Variants in RASGRF1 observed in about 807,000 individuals in gnomAD.
RASGRF1 encodes ras-specific guanine nucleotide-releasing factor 1.
In RASGRF1, 40 loss-of-function variants were observed where a neutral mutation model predicts 138.7. The ratio of observed to expected loss-of-function variants is 0.29; its 90% CI spans 0.22 to 0.38. The LOEUF is 0.38. Ranked by LOEUF, RASGRF1 falls within the 10% of genes least tolerant of loss-of-function variation. RASGRF1 has a pLI of 1.00. For missense variants in RASGRF1, 1,108 were observed against 1,650.4 expected (o/e 0.67, Z 5.69); for synonymous variants, 614 against 663.2 (o/e 0.93, Z 1.14).
chr15:79,008,771 A>G (rs1036108463), intron 13 of RASGRF1, among the ~76,000 whole-genome samples: 1 of 152,198 alleles, frequency 6.6e-6, no homozygotes, highest in Non-Finnish European at 1.5e-5. Flanking sequence ...ACCGTGAGAC[A>G]AAGTAGCAAA....
intron 5 of RASGRF1, among the ~76,000 whole-genome samples, chr15:79,042,353 T>C (rs935122955): frequency 3.9e-5 from 6 of 152,228 alleles, no homozygotes; most frequent in African/African-American, 1.4e-4. Context: ...GCAAGTGAGC[T>C]AGCAGCTCCA....
intron 1 of RASGRF1, among the ~76,000 whole-genome samples, chr15:79,089,809 C>T (rs1287458864): frequency 6.6e-6 from 1 of 152,248 alleles, no homozygotes; most frequent in African/African-American, 2.4e-5. Flanking sequence ...ATTACACGTT[C>T]CCGGTGTAGA....
intron 3 of RASGRF1, among the ~76,000 whole-genome samples, chr15:79,055,857 G>A (rs936316776): frequency 1.3e-5 from 2 of 152,156 alleles, no homozygotes; most frequent in African/African-American, 2.4e-5. Context: ...GCTTCCCACC[G>A]AGCCTGACAA....
chr15:79,037,561 C>T (rs187724119), intron 5 of RASGRF1, among the ~76,000 whole-genome samples: 19 of 151,946 alleles, frequency 1.3e-4, no homozygotes, highest in African/African-American at 4.3e-4. Flanking sequence ...CGGTTTCAAG[C>T]GATTCTCCTG....
intron 10 of RASGRF1, among the ~76,000 whole-genome samples, chr15:79,022,604 G>A (rs1013110718): frequency 2.6e-5 from 4 of 152,034 alleles, no homozygotes; most frequent in Non-Finnish European, 4.4e-5. Flanking sequence ...ACTGACCCCC[G>A]CCACACCCCC....
intron 2 of RASGRF1, among the ~76,000 whole-genome samples, chr15:79,061,393 A>T (rs1320545191): frequency 2.1e-5 from 2 of 96,456 alleles, no homozygotes; most frequent in Admixed American, 2.4e-4. Flanking sequence ...AGCAATAGAA[A>T]ATTAGAACAC....
At chr15:79,045,508 C>T (rs551149175) in intron 5 of RASGRF1, among the ~76,000 whole-genome samples, 1 of 152,322 alleles carries the variant, frequency 6.6e-6, no homozygotes, top group East Asian at 1.9e-4. Flanking sequence ...TTGTGGGGCC[C>T]TGTGATTTGG....
Position 79,031,413 on chromosome 15 carries a change from C to T in RASGRF1, c.1249G>A (p.Glu417Lys). 6.2e-7 allele frequency: 1 copy of T among 1,609,116 alleles called. No individual in the cohort carries two copies. Among genetic ancestry groups the T allele is most frequent in the Non-Finnish European group, 8.5e-7 (1 of 1,177,236 alleles). The change falls in exon 8 of 27, where the codon GAG (glutamate) becomes AAG (lysine). Residue 417 changes from glutamate to lysine, a missense_variant. Coordinates refer to ENST00000558480, the MANE Select transcript of RASGRF1 (RefSeq NM_001145648.3). ...GCCAGGCCTCACCTGGACAGCTCCT[C>T]CAGTTTGGACTTGGCGTAGTCCAGG... is the stretch of plus-strand genomic sequence containing the variant. Reference protein sequence around the residue: ...NSLDYAKSKLEELSRIMHDEV... With the variant: ...NSLDYAKSKLKELSRIMHDEV...
chr15:79,004,942 G>C, intron 14 of RASGRF1: 1 of 983,756 alleles, frequency 1.0e-6, no homozygotes, highest in South Asian at 4.7e-5. Flanking sequence ...AAAGGTTAAG[G>C]GACTCAGCCA....
chr15:78,969,849 G>A (rs960075527), intron 26 of RASGRF1, among the ~76,000 whole-genome samples: 5 of 152,124 alleles, frequency 3.3e-5, no homozygotes, highest in African/African-American at 1.2e-4. Flanking sequence ...AGGGCCAAGA[G>A]TTTATCTGTT....
At position 78,962,237 on chromosome 15, in the gene RASGRF1, C is replaced by T; in HGVS notation, c.3682-1G>A. ...ATTGGTCCAGTAAATATTGCGTTAC[C>T]TGAGAAAAGAAAAGAGAAAAGGGAA... On this transcript the variant is annotated splice_acceptor_variant, in intron 26 of 26. Transcript: ENST00000558480. LOFTEE classifies it high-confidence loss of function. The T allele has an allele frequency of 6.5e-7, 1 of 1,542,276 alleles. No homozygotes were observed. Among genetic ancestry groups the T allele is most frequent in the Non-Finnish European group, 8.9e-7 (1 of 1,128,828 alleles).
intron 17 of RASGRF1, among the ~76,000 whole-genome samples, 179 bp downstream of exon 17, chr15:78,999,564 G>A (rs750257697): frequency 1.1e-4 from 16 of 152,088 alleles, no homozygotes; most frequent in Non-Finnish European, 2.2e-4. Context: ...GTGAGTGACT[G>A]TAGTCAATTG....
At chr15:79,053,302 A>G (rs567105917) in intron 3 of RASGRF1, among the ~76,000 whole-genome samples, 92 of 152,304 alleles carry the variant, frequency 6.0e-4, no homozygotes, top group African/African-American at 2.1e-3. Flanking sequence ...CTAAGTCTTC[A>G]TTTTGAACCT....
At chr15:79,008,375 C>T (rs1279069526) in intron 13 of RASGRF1, among the ~76,000 whole-genome samples, 2 of 152,320 alleles carry the variant, frequency 1.3e-5, no homozygotes, top group East Asian at 3.9e-4. Flanking sequence ...AAAGATACTG[C>T]AGTTCAAAAA....
intron 22 of RASGRF1, among the ~76,000 whole-genome samples, chr15:78,986,625 G>C (rs891096835): frequency 7.2e-5 from 11 of 152,026 alleles, no homozygotes; most frequent in Non-Finnish European, 1.6e-4. Flanking sequence ...GGGATTACAG[G>C]TGTGAGCCAC....
At chr15:79,018,071 C>T (rs2056906212) in intron 11 of RASGRF1, among the ~76,000 whole-genome samples, 165 bp from the exon 12 acceptor site, 1 of 152,260 alleles carries the variant, frequency 6.6e-6, no homozygotes, top group African/African-American at 2.4e-5. Context: ...AGTGGGAAAT[C>T]CCCATTTCAA....
chr15:78,983,087 C>T (rs955392373), intron 23 of RASGRF1, among the ~76,000 whole-genome samples: 9 of 152,144 alleles, frequency 5.9e-5, no homozygotes, highest in African/African-American at 1.9e-4. Flanking sequence ...ATCTAAGAAA[C>T]GTGGCCATTT....
At chr15:78,972,731 G>A (rs1490367602) in intron 25 of RASGRF1, among the ~76,000 whole-genome samples, 1 of 151,914 alleles carries the variant, frequency 6.6e-6, no homozygotes, top group Non-Finnish European at 1.5e-5. Flanking sequence ...CTGGCGAAGT[G>A]AGAGGGGAGA....
chr15:78,975,818 C>T (rs1313443538), intron 24 of RASGRF1, among the ~76,000 whole-genome samples: 1 of 152,140 alleles, frequency 6.6e-6, no homozygotes, highest in African/African-American at 2.4e-5. Context: ...CTGTGCCCGG[C>T]CAGCTCTTCA....
Sources: allele counts gnomAD v4.1 joint callset (sites outside exome capture counted in the v4.1 genomes callset), GRCh38; gene constraint gnomAD v4.1.1; transcripts MANE v1.5; gene names NCBI Gene and HGNC (gene_info 2026-07-23, HGNC 2026-07-21).